Variants in CLDN16 observed in about 807,000 individuals in gnomAD.
CLDN16 encodes claudin 16.
A neutral mutation model predicts 24.6 loss-of-function variants in CLDN16; 13 were observed. That is an observed-to-expected ratio of 0.53 (90% CI 0.34 to 0.84). The LOEUF (loss-of-function observed/expected upper bound fraction) is 0.84, where lower values mean the gene tolerates loss of function less well. Among genes scored for constraint, CLDN16 ranks in the 40% least tolerant of loss-of-function variants. CLDN16 has a pLI of 0.01. For missense variants in CLDN16, 298 were observed against 292.7 expected (o/e 1.02, Z -0.13); for synonymous variants, 116 against 106.7 (o/e 1.09, Z -0.54).
At chr3:190,317,239 T>C in the CLDN16 span, among the ~76,000 whole-genome samples, 1 of 152,180 alleles carries the variant, frequency 6.6e-6, no homozygotes, top group African/African-American at 2.4e-5. Context: ...CTGACTAAAG[T>C]TGTCTATGGA....
intron 1 of CLDN16, among the ~76,000 whole-genome samples, chr3:190,349,548 T>C (rs1228991418): frequency 6.6e-6 from 1 of 152,216 alleles, no homozygotes; most frequent in Non-Finnish European, 1.5e-5. Context: ...ATGTCTTTAC[T>C]TTTCCTGAGT....
intron 1 of CLDN16, among the ~76,000 whole-genome samples, chr3:190,344,866 G>A (rs1359327053): frequency 2.6e-5 from 4 of 152,110 alleles, no homozygotes; most frequent in Admixed American, 2.6e-4. Context: ...TTGAATATTG[G>A]CAGAGAAGGG....
chr3:190,308,952 A>G, the CLDN16 span, among the ~76,000 whole-genome samples: 1 of 152,220 alleles, frequency 6.6e-6, no homozygotes, highest in African/African-American at 2.4e-5. Context: ...CCCATGAACC[A>G]TTCTGGATTA....
intron 1 of CLDN16, 106 bp downstream of exon 1, chr3:190,388,549 CA>C: frequency 1.1e-6 from 1 of 888,768 alleles, no homozygotes; most frequent in Non-Finnish European, 1.9e-6. Context: ...CTAATGATAC[CA>C]AAAATAGGCA....
chr3:190,321,946 G>T (rs374223346), upstream of CLDN16: 3 of 1,543,028 alleles, frequency 1.9e-6, no homozygotes, highest in African/African-American at 4.1e-5. Context: ...GGGGACTGGG[G>T]CCTCTGGACG....
At chr3:190,345,039 C>T (rs547440604) in intron 1 of CLDN16, among the ~76,000 whole-genome samples, 1 of 152,128 alleles carries the variant, frequency 6.6e-6, no homozygotes, top group Admixed American at 6.6e-5. Context: ...AATGTTAACA[C>T]TGAAATTTGT....
intron 3 of CLDN16, among the ~76,000 whole-genome samples, chr3:190,374,889 G>C (rs1194044767): frequency 6.6e-6 from 1 of 151,928 alleles, no homozygotes; most frequent in African/African-American, 2.4e-5. Flanking sequence ...AATATAAGCA[G>C]AGAGTAAATA....
At chr3:190,374,928 A>G (rs1023657629) in intron 3 of CLDN16, among the ~76,000 whole-genome samples, 4 of 151,974 alleles carry the variant, frequency 2.6e-5, no homozygotes, top group Non-Finnish European at 4.4e-5. Flanking sequence ...ATAAAGGTAG[A>G]GAATAGGGAA....
At chr3:190,408,816 C>G (rs1027644647) in intron 4 of CLDN16, among the ~76,000 whole-genome samples, 1 of 144,338 alleles carries the variant, frequency 6.9e-6, no homozygotes, top group African/African-American at 2.5e-5. Flanking sequence ...CGTATATATA[C>G]TATATATGTA....
chr3:190,363,556 G>GTATATATATATATA (rs1221514630), intron 1 of CLDN16, among the ~76,000 whole-genome samples: 84 of 87,276 alleles, frequency 9.6e-4, no homozygotes, highest in East Asian at 1.3e-3. Flanking sequence ...GTGTGTGTGT[G>GTATATATATATATA]TATATATATA....
intron 1 of CLDN16, among the ~76,000 whole-genome samples, chr3:190,391,647 G>T (rs969505101): frequency 6.6e-6 from 1 of 152,196 alleles, no homozygotes; most frequent in African/African-American, 2.4e-5. Flanking sequence ...AGTGCAAAGA[G>T]AGGAGAAGCT....
chr3:190,299,374 C>T, the CLDN16 span, among the ~76,000 whole-genome samples: 1 of 151,878 alleles, frequency 6.6e-6, no homozygotes, highest in Non-Finnish European at 1.5e-5. Context: ...GGTGGTTATT[C>T]TTCCTAATTT....
chr3:190,338,126 A>G (rs1280700109), intron 1 of CLDN16, among the ~76,000 whole-genome samples: 2 of 152,090 alleles, frequency 1.3e-5, no homozygotes, highest in East Asian at 3.9e-4. Context: ...TAGTAGCCCT[A>G]CTTCACCGCC....
At chr3:190,398,792 G>A (rs1352995334) in intron 1 of CLDN16, among the ~76,000 whole-genome samples, 3 of 151,932 alleles carry the variant, frequency 2.0e-5, no homozygotes, top group East Asian at 1.9e-4. Flanking sequence ...ATTATCTCCC[G>A]TATACAGATA....
intron 2 of CLDN16, among the ~76,000 whole-genome samples, chr3:190,373,799 A>G (rs1338100978): frequency 6.6e-6 from 1 of 151,382 alleles, no homozygotes; most frequent in Non-Finnish European, 1.5e-5. Context: ...GGAAATATAG[A>G]TGATAGTGGT....
In CLDN16 at chr3:190,378,631, G is replaced by A. The variant is rs866654853; in HGVS notation, n.306+4028G>A. 3.3e-5 allele frequency among the ~76,000 whole-genome samples: 5 copies of A among 152,126 alleles called. 1 individual carries two copies. In the Middle Eastern group the frequency reaches 0.01, roughly 310 times the overall value. Reference sequence around the variant, plus strand: ...GTTCTTACGTATGAGTCCTGCTGTCGGATCTTGATGAGTAAGGGTTTGGAC... The same window carrying A: ...GTTCTTACGTATGAGTCCTGCTGTCAGATCTTGATGAGTAAGGGTTTGGAC... On this transcript the variant is annotated intron_variant and non_coding_transcript_variant, in intron 3 of 4. Coordinates refer to the CLDN16 transcript ENST00000468220.
At chr3:190,405,860 C>T (rs7618571) in intron 3 of CLDN16, among the ~76,000 whole-genome samples, 61,544 of 151,920 alleles carry the variant, frequency 0.41, 12,643 homozygotes, top group East Asian at 0.45. Context: ...AAAAATGATA[C>T]TTTATTCAGG....
intron 1 of CLDN16, among the ~76,000 whole-genome samples, chr3:190,355,115 C>T (rs530400580): frequency 6.6e-6 from 1 of 152,026 alleles, no homozygotes; most frequent in African/African-American, 2.4e-5. Context: ...GCTCCTTTTT[C>T]TTCAAATTAC....
At chr3:190,312,479 A>G in the CLDN16 span, among the ~76,000 whole-genome samples, 1 of 152,138 alleles carries the variant, frequency 6.6e-6, no homozygotes, top group Non-Finnish European at 1.5e-5. Flanking sequence ...TCCCTCACAG[A>G]CCTGAAGGGT....
Sources: gnomAD v4.1 joint callset for allele counts (sites outside exome capture counted in the v4.1 genomes callset) on GRCh38, gnomAD v4.1.1 for gene constraint, MANE v1.5 for transcripts, NCBI Gene and HGNC (gene_info 2026-07-23, HGNC 2026-07-21) for gene names.